Variants in POSTN observed in about 807,000 individuals in gnomAD.
POSTN encodes the protein periostin, also known as osteoblast specific factor 2 (fasciclin I-like).
A neutral mutation model predicts 104.5 loss-of-function variants in POSTN; 71 were observed. That is an observed-to-expected ratio of 0.68 (90% CI 0.56 to 0.83). The LOEUF is 0.83. POSTN is among the 40% of genes least tolerant of loss of function. The pLI is 0.00. For missense variants in POSTN, 949 were observed against 1,006.8 expected (o/e 0.94, Z 0.78); for synonymous variants, 355 against 340.7 (o/e 1.04, Z -0.46).
Position 37,582,575 on chromosome 13 carries a change from C to G in POSTN, c.1244-61G>C, listed in dbSNP as rs144470855. On this transcript the variant is annotated intron_variant, in intron 9 of 22. Coordinates refer to ENST00000379747, the MANE Select transcript of POSTN (RefSeq NM_006475.3). ...ATTTAGAAAACATTGAAGTTTCTCC[C>G]GGTAAGACAGAATCATATAAACAGA... The G allele has an allele frequency of 1.1e-5, 15 of 1,414,596 alleles. No homozygotes were observed. The East Asian group carries it at 2.8e-4, about 26-fold the overall frequency. 87.6% of individuals were successfully genotyped at this position (1,414,596 alleles called of 1,614,324 possible). A position where few individuals can be genotyped will look rare whatever the true frequency, so the allele number is the denominator to read the frequency against.
At chr13:37,589,515 C>T (rs9603228) in intron 4 of POSTN, among the ~76,000 whole-genome samples, 2 of 152,020 alleles carry the variant, frequency 1.3e-5, no homozygotes, top group African/African-American at 2.4e-5. Context: ...CACCCCACAA[C>T]AGTCCCTGGT....
intron 16 of POSTN, among the ~76,000 whole-genome samples, chr13:37,576,560 G>A (rs1950414811): frequency 6.6e-6 from 1 of 151,962 alleles, no homozygotes; most frequent in Non-Finnish European, 1.5e-5. Flanking sequence ...AACTAAGATG[G>A]ATAAAGAAGG....
intron 3 of POSTN, among the ~76,000 whole-genome samples, chr13:37,590,932 G>T (rs1446814855): frequency 1.3e-5 from 2 of 152,084 alleles, no homozygotes; most frequent in African/African-American, 4.8e-5. Flanking sequence ...GGGAGCAAAT[G>T]ATTTAAAATA....
intron 19 of POSTN, 49 bp from the exon 20 acceptor site, chr13:37,569,870 C>CTGT: frequency 7.8e-7 from 1 of 1,284,730 alleles, no homozygotes; most frequent in Non-Finnish European, 1.1e-6. Flanking sequence ...AGGCAAACTT[C>CTGT]TTCTGCGAAG....
chr13:37,566,896 T>C (rs2138147023), intron 21 of POSTN, among the ~76,000 whole-genome samples: 1 of 152,206 alleles, frequency 6.6e-6, no homozygotes, highest in South Asian at 2.1e-4. Context: ...TTAATAGTCA[T>C]GACTTAAATG....
chr13:37,563,133 A>ACCACAGGAGGCTAACT lies in POSTN; in HGVS notation c.*184_*199dup, dbSNP rs71298995. On this transcript the variant is annotated 3_prime_UTR_variant, in exon 23 of 23. Coordinates refer to ENST00000379747, the MANE Select transcript of POSTN (RefSeq NM_006475.3). The stretch of plus-strand genomic sequence containing the variant: ...GTGTTATATTTTCTTCAATTCCTTT[A>ACCACAGGAGGCTAACT]CCACAGGAGGCTAACTCCACAATTT... 34,731 of 393,444 alleles carry ACCACAGGAGGCTAACT rather than the reference A, an allele frequency of 0.088. 2,510 individuals carry two copies. The highest frequency in any genetic ancestry group is 0.3 in the East Asian group (7,793 of 26,400). 24.4% of individuals were successfully genotyped at this position (393,444 alleles called of 1,614,324 possible).
intron 21 of POSTN, among the ~76,000 whole-genome samples, chr13:37,568,305 T>G (rs932778600): frequency 6.6e-6 from 1 of 152,100 alleles, no homozygotes; most frequent in South Asian, 2.1e-4. Flanking sequence ...ATTTAAGAGA[T>G]TTTACGTTTA....
intron 21 of POSTN, chr13:37,569,061 A>G (rs918619147): frequency 6.7e-6 from 2 of 298,090 alleles, no homozygotes; most frequent in East Asian, 5.7e-5. Flanking sequence ...AGCAAAAAAA[A>G]TATTCATTGC....
chr13:37,583,379 C>T (rs1331245356), intron 9 of POSTN, among the ~76,000 whole-genome samples: 1 of 150,758 alleles, frequency 6.6e-6, no homozygotes, highest in Non-Finnish European at 1.5e-5. Flanking sequence ...TCTGTCAATG[C>T]ATCCTTATTG....
chr13:37,598,452 A>T (rs2138429766), intron 1 of POSTN, among the ~76,000 whole-genome samples, 156 bp downstream of exon 1: 1 of 152,284 alleles, frequency 6.6e-6, no homozygotes, highest in South Asian at 2.1e-4. Context: ...GCATAGATAA[A>T]TCACAGAATA....
At chr13:37,569,490 A>C in intron 20 of POSTN, 107 bp from the exon 21 acceptor site, 1 of 946,428 alleles carries the variant, frequency 1.1e-6, no homozygotes. Context: ...ATTCCAGCCC[A>C]ACACTCGATT....
At position 37,598,526 on chromosome 13, in the gene POSTN, A is replaced by T. The variant is rs1166849717; in HGVS notation, c.119+82T>A. The T allele has an allele frequency of 2.3e-6, 3 of 1,294,682 alleles. No homozygotes were observed. The African/African-American group carries it at 4.4e-5, about 19-fold the overall frequency. The allele number at this position is 1,294,682 out of a possible 1,614,324, so 80.2% of individuals were successfully genotyped here. A position where few individuals can be genotyped will look rare whatever the true frequency, so the allele number is the denominator to read the frequency against. On this transcript the variant is annotated intron_variant, in intron 1 of 22. Coordinates refer to ENST00000379747, the MANE Select transcript of POSTN (RefSeq NM_006475.3). Reference sequence around the variant, plus strand: ...TAGGAAAAAAAACCCTGAGGCATATATGAGAAACTTTATGCATACTTGAAC... The same window carrying T: ...TAGGAAAAAAAACCCTGAGGCATATTTGAGAAACTTTATGCATACTTGAAC...
intron 14 of POSTN, 29 bp downstream of exon 14, chr13:37,578,990 G>C (rs1566019786): frequency 6.2e-7 from 1 of 1,603,420 alleles, no homozygotes; most frequent in Non-Finnish European, 8.5e-7. Flanking sequence ...AAAAGACTTA[G>C]CCTATCAATG....
At chr13:37,585,044 G>C in intron 7 of POSTN, 116 bp from the exon 8 acceptor site, 1 of 1,444,988 alleles carries the variant, frequency 6.9e-7, no homozygotes. Flanking sequence ...AAAACCTAAG[G>C]ATTCACTAAC....
intron 3 of POSTN, among the ~76,000 whole-genome samples, chr13:37,591,706 A>G (rs1950939187): frequency 6.6e-6 from 1 of 152,128 alleles, no homozygotes; most frequent in Non-Finnish European, 1.5e-5. Context: ...TCTAGTTGGC[A>G]GAAGTAGAGG....
At chr13:37,573,584 C>T (rs1343229025) in intron 17 of POSTN, among the ~76,000 whole-genome samples, 2 of 151,198 alleles carry the variant, frequency 1.3e-5, no homozygotes, top group African/African-American at 4.8e-5. Flanking sequence ...AAGAAGTTAC[C>T]TTCTCAAACC....
intron 7 of POSTN, among the ~76,000 whole-genome samples, chr13:37,585,651 G>C (rs1417360821): frequency 3.9e-5 from 6 of 152,042 alleles, no homozygotes; most frequent in Non-Finnish European, 8.8e-5. Context: ...AATGTATTTT[G>C]GGATAGGCTG....
intron 16 of POSTN, among the ~76,000 whole-genome samples, chr13:37,576,332 C>T (rs1023764257): frequency 4.0e-5 from 6 of 151,788 alleles, no homozygotes; most frequent in Admixed American, 1.3e-4. Context: ...AACAGCATAC[C>T]GTCTAAGGAG....
In POSTN at chr13:37,563,212, T is replaced by C. The variant is rs992197181; in HGVS notation, c.*121A>G. The stretch of plus-strand genomic sequence containing the variant: ...ATATTAAATTTGTGTTCAGAATTAT[T>C]TGATGATTGCTTCTTTGTGCTGATG... On this transcript the variant is annotated 3_prime_UTR_variant, in exon 23 of 23. Transcript: ENST00000379747. 2 of 533,524 alleles carry C rather than the reference T, an allele frequency of 3.7e-6. No homozygotes were observed. The highest frequency in any genetic ancestry group is 6.6e-6 in the Non-Finnish European group (2 of 303,164). 33.0% of individuals were successfully genotyped at this position (533,524 alleles called of 1,614,324 possible). A position where few individuals can be genotyped will look rare whatever the true frequency, so the allele number is the denominator to read the frequency against.
Sources: allele counts gnomAD v4.1 joint callset (sites outside exome capture counted in the v4.1 genomes callset), GRCh38; gene constraint gnomAD v4.1.1; transcripts MANE v1.5; gene names NCBI Gene and HGNC (gene_info 2026-07-23, HGNC 2026-07-21).